HNF4A: variants seen among roughly 807,000 people sequenced by gnomAD.
HNF4A encodes hepatocyte nuclear factor 4-alpha.
A neutral mutation model predicts 52.4 loss-of-function variants in HNF4A; 15 were observed. The ratio of observed to expected loss-of-function variants is 0.29; its 90% confidence interval spans 0.19 to 0.44. The LOEUF (loss-of-function observed/expected upper bound fraction) is 0.44, where lower values mean the gene tolerates loss of function less well. Ranked by LOEUF, HNF4A falls within the 20% of genes least tolerant of loss-of-function variation. The pLI is 1.00. For synonymous variants in HNF4A, 280 were observed against 264.4 expected, an observed-to-expected ratio of 1.06 and a Z score of -0.57; for missense variants, 479 against 647.2, an observed-to-expected ratio of 0.74 and a Z score of 2.82.
chr20:44,414,812 TC>T, intron 5 of HNF4A, 150 bp downstream of exon 5: 1 of 757,246 alleles, frequency 1.3e-6, no homozygotes, highest in Non-Finnish European at 2.2e-6. Flanking sequence ...AAACTTTAAA[TC>T]ACCTTACAAA....
intron 1 of HNF4A, among the ~76,000 whole-genome samples, chr20:44,361,473 C>T (rs1420695000): frequency 3.9e-5 from 6 of 152,142 alleles, no homozygotes; most frequent in Admixed American, 3.9e-4. Flanking sequence ...GTATTTAAGA[C>T]ATTTTGTAAG....
rs79068715 is a variant in HNF4A, at chr20:44,370,893, C to A, written c.49+15040C>A. On this transcript the variant is annotated intron_variant, in intron 1 of 9. Coordinates refer to the HNF4A transcript ENST00000316673. ...TGCCATGGGCCTGGCTGAGCCTGGGCCGCCAAACTGCCAACGCCTCTGTAT... is the reference window on the plus strand; with the variant it reads ...TGCCATGGGCCTGGCTGAGCCTGGGACGCCAAACTGCCAACGCCTCTGTAT... Among the ~76,000 whole-genome samples the A allele has an allele frequency of 7.2e-3, 1,102 of 152,290 alleles. 8 individuals carry two copies. Among genetic ancestry groups the A allele is most frequent in the African/African-American group, 0.025 (1,059 of 41,560 alleles).
At chr20:44,428,023 T>C (rs912155093) in intron 8 of HNF4A, among the ~76,000 whole-genome samples, 1 of 152,184 alleles carries the variant, frequency 6.6e-6, no homozygotes, top group African/African-American at 2.4e-5. Flanking sequence ...ATTGATTACA[T>C]CCATTATGTT....
chr20:44,358,181 T>C (rs2062878508), intron 1 of HNF4A, among the ~76,000 whole-genome samples: 1 of 148,156 alleles, frequency 6.7e-6, no homozygotes, highest in South Asian at 2.2e-4. Context: ...GTCAAATCAT[T>C]ACCCCTCTCT....
intron 1 of HNF4A, among the ~76,000 whole-genome samples, chr20:44,379,268 A>T (rs1444743687): frequency 6.6e-6 from 1 of 152,090 alleles, no homozygotes; most frequent in Non-Finnish European, 1.5e-5. Context: ...GAGTATACAA[A>T]TCTCTCTTCC....
exon 1 of HNF4A, chr20:44,355,763 G>C: frequency 6.2e-7 from 1 of 1,604,744 alleles, no homozygotes; most frequent in Admixed American, 1.7e-5. Context: ...GCGGGCCCCT[G>C]CTCCTCCATG....
intron 1 of HNF4A, among the ~76,000 whole-genome samples, chr20:44,380,943 GTC>G (rs1192469969): frequency 2.0e-5 from 3 of 152,188 alleles, no homozygotes; most frequent in Non-Finnish European, 2.9e-5. Flanking sequence ...TAAGGAAAGA[GTC>G]TGATTTCATT....
chr20:44,389,296 A>G (rs930520268), intron 1 of HNF4A, among the ~76,000 whole-genome samples: 1 of 152,150 alleles, frequency 6.6e-6, no homozygotes, highest in South Asian at 2.1e-4. Context: ...TATGTCTGCA[A>G]CCCGCCTCTC....
chr20:44,385,057 A>ATTTTTTTTTTTT (rs1491454694), intron 1 of HNF4A, among the ~76,000 whole-genome samples: 17 of 29,934 alleles, frequency 5.7e-4, no homozygotes, highest in African/African-American at 2.2e-3. Flanking sequence ...GAACTCTGTG[A>ATTTTTTTTTTTT]TCTTTTTTTT....
chr20:44,360,896 C>T (rs964704684), intron 1 of HNF4A, among the ~76,000 whole-genome samples: 5 of 152,108 alleles, frequency 3.3e-5, no homozygotes, highest in Admixed American at 3.3e-4. Context: ...TCAAATGAGC[C>T]TTGGTTGTTG....
intron 1 of HNF4A, among the ~76,000 whole-genome samples, chr20:44,387,602 TA>T (rs1388294896): frequency 8.1e-6 from 1 of 123,976 alleles, no homozygotes; most frequent in African/African-American, 3.0e-5. Context: ...GAGTGAAGAG[TA>T]GGGGGTAGGG....
chr20:44,378,930 A>AAAAAG (rs1568697952), intron 1 of HNF4A, among the ~76,000 whole-genome samples: 2 of 151,272 alleles, frequency 1.3e-5, no homozygotes, highest in Non-Finnish European at 2.9e-5. Context: ...AAAAAAAAAA[A>AAAAAG]AAAAGAAAAG....
intron 1 of HNF4A, 113 bp downstream of exon 1, chr20:44,355,966 TC>T: frequency 1.4e-5 from 13 of 915,618 alleles, no homozygotes; most frequent in Non-Finnish European, 2.0e-5. Context: ...CTGGAGCTCC[TC>T]TGGAAGGGCA....
chr20:44,425,614 G>A (rs939437148), intron 8 of HNF4A, among the ~76,000 whole-genome samples: 4 of 151,636 alleles, frequency 2.6e-5, no homozygotes, highest in African/African-American at 9.7e-5. Flanking sequence ...GGTAGTGAGG[G>A]GTGACCTCAG....
chr20:44,418,471 C>T lies in HNF4A; in HGVS notation c.695C>T (p.Ala232Val). 1 of 1,613,760 alleles carries T rather than the reference C, an allele frequency of 6.2e-7. No individual in the cohort carries two copies. Among genetic ancestry groups the T allele is most frequent in the Non-Finnish European group, 8.5e-7 (1 of 1,179,988 alleles). The change falls in exon 6 of 10, where the codon GCC becomes GTC. Residue 232 changes from alanine (A) to valine (V), a missense_variant. Physicochemically the swap from Ala to Val is moderately conservative, Grantham distance 64. Around this residue, in one of 3 missense-constraint regions of HNF4A, gnomAD observed 389 missense variants for 525.1 expected, o/e 0.74. Coordinates refer to ENST00000316099, the MANE Select transcript of HNF4A (RefSeq NM_000457.6). ...GCTGGCGAGCACCTGCTGCTCGGAG[C>T]CACCAAGAGATCCATGGTGTTCAAG...
intron 3 of HNF4A, among the ~76,000 whole-genome samples, chr20:44,409,159 C>T (rs1364799776): frequency 6.6e-6 from 1 of 152,172 alleles, no homozygotes; most frequent in Non-Finnish European, 1.5e-5. Context: ...CCAAGGCCTG[C>T]TCTGAACGCT....
At chr20:44,388,823 G>A (rs1184466098) in intron 1 of HNF4A, among the ~76,000 whole-genome samples, 1 of 152,216 alleles carries the variant, frequency 6.6e-6, no homozygotes, top group Non-Finnish European at 1.5e-5. Flanking sequence ...GGATGAGGTG[G>A]GGCGGCAAAG....
chr20:44,401,390 C>G lies in HNF4A; in HGVS notation c.18C>G (p.Thr6=). ...CAGGGAGAATGCGACTCTCCAAAACCCTCGTCGACATGGACATGGCCGACT... is the reference window on the plus strand; with the variant it reads ...CAGGGAGAATGCGACTCTCCAAAACGCTCGTCGACATGGACATGGCCGACT... Residue 6 remains threonine, a synonymous_variant, in exon 1 of 10, where the codon ACC becomes ACG. Transcript: ENST00000316099. 6.2e-7 allele frequency: 1 copy of G among 1,614,174 alleles called. No homozygotes were observed. The highest frequency in any genetic ancestry group is 8.5e-7 in the Non-Finnish European group (1 of 1,180,026).
At chr20:44,421,879 A>T (rs1375134248) in intron 7 of HNF4A, among the ~76,000 whole-genome samples, 1 of 147,350 alleles carries the variant, frequency 6.8e-6, no homozygotes, top group African/African-American at 2.5e-5. Context: ...TATATATTTT[A>T]TATATATATA....
Sources: allele counts gnomAD v4.1 joint callset (sites outside exome capture counted in the v4.1 genomes callset), GRCh38; gene constraint gnomAD v4.1.1; regional missense constraint gnomAD v4.1.1; transcripts MANE v1.5; gene names NCBI Gene and HGNC (gene_info 2026-07-23, HGNC 2026-07-21).